RUNX3: variants seen among roughly 807,000 people sequenced by gnomAD.
RUNX3 encodes runt-related transcription factor 3.
Under a neutral mutation model 27.7 loss-of-function variants are expected in RUNX3, and 10 were observed. The ratio of observed to expected loss-of-function variants is 0.36; its 90% CI spans 0.22 to 0.61. The LOEUF is 0.61. RUNX3 is among the 20% of genes least tolerant of loss of function. RUNX3 has a pLI of 0.72. For synonymous variants in RUNX3, 270 were observed against 269.2 expected, an observed-to-expected ratio of 1.00 and a Z score of -0.03; for missense variants, 469 against 629.5, an observed-to-expected ratio of 0.75 and a Z score of 2.73.
At chr1:24,948,984 C>G (rs928914802) in intron 2 of RUNX3, among the ~76,000 whole-genome samples, 7 of 151,898 alleles carry the variant, frequency 4.6e-5, no homozygotes. Context: ...ATAATATGAG[C>G]ACAATGAAAA....
chr1:24,928,592 G>C (rs1249281820), intron 1 of RUNX3, among the ~76,000 whole-genome samples: 1 of 152,346 alleles, frequency 6.6e-6, no homozygotes, highest in East Asian at 1.9e-4. Context: ...CAGATTTCCT[G>C]TCAACATCCT....
intron 3 of RUNX3, among the ~76,000 whole-genome samples, chr1:24,914,549 G>A (rs545146016): frequency 9.3e-4 from 141 of 152,328 alleles, no homozygotes; most frequent in African/African-American, 3.2e-3. Context: ...GGGGGCCAGC[G>A]GGCAGGGAGG....
At chr1:24,958,935 C>A (rs1231191280) in intron 2 of RUNX3, among the ~76,000 whole-genome samples, 1 of 152,202 alleles carries the variant, frequency 6.6e-6, no homozygotes, top group Non-Finnish European at 1.5e-5. Context: ...AAGGCATCCC[C>A]AGGAGATGGC....
intron 2 of RUNX3, among the ~76,000 whole-genome samples, chr1:24,957,999 T>C (rs1292739505): frequency 1.3e-5 from 2 of 152,226 alleles, no homozygotes; most frequent in South Asian, 2.1e-4. Context: ...CAGCCCTCTC[T>C]AGCCCTGAAA....
chr1:24,907,715 C>T (rs955087500), intron 3 of RUNX3, among the ~76,000 whole-genome samples: 12 of 151,762 alleles, frequency 7.9e-5, no homozygotes, highest in Non-Finnish European at 7.4e-5. Context: ...CTACAACACG[C>T]GGTGATCTAA....
chr1:24,953,137 C>T (rs972774464), intron 2 of RUNX3, among the ~76,000 whole-genome samples: 7 of 151,974 alleles, frequency 4.6e-5, no homozygotes, highest in South Asian at 4.1e-4. Context: ...GAGGCTGAGG[C>T]GGGCGGATCA....
chr1:24,906,783 T>C, intron 4 of RUNX3, among the ~76,000 whole-genome samples: 1 of 152,306 alleles, frequency 6.6e-6, no homozygotes, highest in East Asian at 1.9e-4. Flanking sequence ...GCAAAGTTTG[T>C]GTGAGTACAG....
rs78036957 is a variant in RUNX3, at chr1:24,962,706, C to T, written c.58+1808G>A. On this transcript the variant is annotated intron_variant, in intron 2 of 6. Transcript: ENST00000338888. This position sits in a 1 kb window ranked among gnomAD's most constrained non-coding sequence, Gnocchi z 4.5. ...GTGCCACTGCTGGCCAGGATCAGCC[C>T]GCTCTGCCCAGCGGCCTCCTGTCTC... 0.048 allele frequency among the ~76,000 whole-genome samples: 7,342 copies of T among 152,252 alleles called. 600 individuals are homozygous for T. Among genetic ancestry groups the T allele is most frequent in the African/African-American group, 0.17 (6,957 of 41,502 alleles).
At chr1:24,929,388 T>C (rs759927904) in intron 1 of RUNX3, 199 bp downstream of exon 1, 1 of 708,838 alleles carries the variant, frequency 1.4e-6, no homozygotes, top group South Asian at 1.5e-5. Flanking sequence ...CCGTTAAAAG[T>C]CATTCCTGCA....
chr1:24,931,986 T>C (rs1213202879), upstream of RUNX3, among the ~76,000 whole-genome samples: 7 of 152,102 alleles, frequency 4.6e-5, no homozygotes, highest in African/African-American at 1.7e-4. Context: ...CGCTCCCACC[T>C]CCGGGAACGT....
intron 2 of RUNX3, among the ~76,000 whole-genome samples, chr1:24,963,705 G>C (rs948399984): frequency 6.6e-6 from 1 of 152,144 alleles, no homozygotes; most frequent in African/African-American, 2.4e-5. Flanking sequence ...AAGGCAGCAG[G>C]GGGTGTCTGA....
chr1:24,945,850 C>T (rs1641592217), intron 2 of RUNX3, among the ~76,000 whole-genome samples: 1 of 152,182 alleles, frequency 6.6e-6, no homozygotes, highest in Non-Finnish European at 1.5e-5. Flanking sequence ...TCTAAAACTC[C>T]CAGGAGGACT....
intron 2 of RUNX3, among the ~76,000 whole-genome samples, chr1:24,953,111 A>G (rs1367753048): frequency 6.6e-6 from 1 of 152,206 alleles, no homozygotes; most frequent in Non-Finnish European, 1.5e-5. Context: ...TCAAGCCTGC[A>G]ATCCCATCAC....
chr1:24,952,647 C>T (rs1641795316), intron 2 of RUNX3, among the ~76,000 whole-genome samples: 1 of 152,248 alleles, frequency 6.6e-6, no homozygotes, highest in Admixed American at 6.5e-5. Flanking sequence ...CAGAAATCAT[C>T]TCCAGTCATG....
chr1:24,930,186 C>G lies in RUNX3; in HGVS notation c.-318G>C. 1.0e-6 allele frequency: 1 copy of G among 979,170 alleles called. No individual in the cohort carries two copies. The allele number at this position is 979,170 out of a possible 1,614,324, so 60.7% of individuals were successfully genotyped here. Reference sequence around the variant, plus strand: ...CGGCGGGGCCCGCGCGGGGCTGTGCCGCTGCCGCCGCCTCCCGCCCCGAAG... The same window carrying G: ...CGGCGGGGCCCGCGCGGGGCTGTGCGGCTGCCGCCGCCTCCCGCCCCGAAG... On this transcript the variant is annotated 5_prime_UTR_variant, in exon 1 of 5. Coordinates refer to ENST00000308873, the MANE Select transcript of RUNX3 (RefSeq NM_004350.3). This position sits in a 1 kb window ranked among gnomAD's most constrained non-coding sequence, Gnocchi z 4.1.
intron 3 of RUNX3, among the ~76,000 whole-genome samples, chr1:24,911,199 G>A (rs1482178027): frequency 6.6e-6 from 1 of 152,242 alleles, no homozygotes; most frequent in Non-Finnish European, 1.5e-5. Flanking sequence ...AGACTGATCC[G>A]ACAACAGCCT....
At chr1:24,908,146 T>A (rs1447394358) in intron 3 of RUNX3, among the ~76,000 whole-genome samples, 1 of 129,992 alleles carries the variant, frequency 7.7e-6, no homozygotes, top group Admixed American at 7.3e-5. Flanking sequence ...CACGCGGTGA[T>A]CCGAACCTCT....
chr1:24,907,225 T>A (rs755997885), intron 4 of RUNX3, 34 bp downstream of exon 4: 5 of 1,596,148 alleles, frequency 3.1e-6, no homozygotes, highest in Non-Finnish European at 4.3e-6. Flanking sequence ...CACCCCCACC[T>A]CACCCCGCTG....
At chr1:24,932,114 C>A (rs1214211978), upstream of RUNX3, among the ~76,000 whole-genome samples, 1 of 152,230 alleles carries the variant, frequency 6.6e-6, no homozygotes, top group Non-Finnish European at 1.5e-5. Context: ...GTGGTAAATT[C>A]CATTTGTCGA....
Sources: allele counts gnomAD v4.1 joint callset (sites outside exome capture counted in the v4.1 genomes callset), GRCh38; gene constraint gnomAD v4.1.1; non-coding constraint Gnocchi (gnomAD v3.1); transcripts MANE v1.5; gene names NCBI Gene and HGNC (gene_info 2026-07-23, HGNC 2026-07-21).